The following SPAG16 variants were observed in gnomAD, a reference collection of about 807,000 sequenced individuals.
SPAG16 encodes the protein sperm-associated antigen 16 protein.
SPAG16 carries 86 observed loss-of-function variants against 80.4 expected under a neutral mutation model. The ratio of observed to expected loss-of-function variants is 1.07; its 90% CI spans 0.90 to 1.28. The LOEUF is 1.28. SPAG16 is among the 50% of genes most tolerant of loss of function. The pLI is 0.00. For missense variants in SPAG16, 870 were observed against 765.3 expected (o/e 1.14, Z -1.61); for synonymous variants, 294 against 265.9 (o/e 1.11, Z -1.03).
intron 10 of SPAG16, among the ~76,000 whole-genome samples, chr2:213,704,684 G>A (rs538638147): frequency 1.3e-5 from 2 of 152,128 alleles, no homozygotes; most frequent in South Asian, 2.1e-4. Context: ...GTTCTCCAGC[G>A]TTGTCCCTTC....
At position 213,827,961 on chromosome 2, in the gene SPAG16, A is replaced by G. The variant is rs536599726; in HGVS notation, c.1071-34524A>G. Among the ~76,000 whole-genome samples the G allele has an allele frequency of 6.6e-5, 10 of 152,144 alleles. No homozygotes were observed. The South Asian group carries it at 2.1e-3, about 32-fold the overall frequency. On this transcript the variant is annotated intron_variant, in intron 10 of 15. Transcript: ENST00000331683. The stretch of plus-strand genomic sequence containing the variant: ...CTTCTCTTTATCCTTGATCTTTGGA[A>G]GTTTGACTATTAAATGCACTGAGGT...
Position 213,632,898 on chromosome 2 carries a change from C to G in SPAG16, c.1070+142808C>G, listed in dbSNP as rs577170541. Among the ~76,000 whole-genome samples the G allele has an allele frequency of 5.3e-5, 8 of 152,212 alleles. No individual in the cohort carries two copies. The South Asian group carries it at 8.3e-4, about 16-fold the overall frequency. ...ATTACTTTGTTCAGGCTGTTTGCAT[C>G]AATATTCATCAGAGATATTCACCTG... is the stretch of plus-strand genomic sequence containing the variant. On this transcript the variant is annotated intron_variant, in intron 10 of 15. Transcript: ENST00000331683.
chr2:213,946,434 T>C (rs2079477740), intron 12 of SPAG16, among the ~76,000 whole-genome samples: 1 of 152,178 alleles, frequency 6.6e-6, no homozygotes, highest in African/African-American at 2.4e-5. Flanking sequence ...TTTTTGCAAA[T>C]TGATTGTTAG....
At chr2:213,731,437 G>A (rs1424416534) in intron 10 of SPAG16, among the ~76,000 whole-genome samples, 6 of 151,150 alleles carry the variant, frequency 4.0e-5, no homozygotes, top group African/African-American at 1.2e-4. Flanking sequence ...TGGGATTACA[G>A]GCGTGAGCCA....
Position 213,651,194 on chromosome 2 carries a change from A to G in SPAG16, c.1070+161104A>G, listed in dbSNP as rs570603336. On this transcript the variant is annotated intron_variant, in intron 10 of 15. Coordinates refer to ENST00000331683, the MANE Select transcript of SPAG16 (RefSeq NM_024532.5). Reference sequence around the variant, plus strand: ...CACAACTTGTTACAAGGATTTGAGTATATACAATTATGTGAGCTGGTTGCA... The same window carrying G: ...CACAACTTGTTACAAGGATTTGAGTGTATACAATTATGTGAGCTGGTTGCA... 1.1e-4 allele frequency among the ~76,000 whole-genome samples: 17 copies of G among 152,340 alleles called. No individual in the cohort carries two copies. In the South Asian group the frequency reaches 3.3e-3, roughly 30 times the overall value.
At chr2:213,715,222 G>GTCTATCTATCCATCCATCTA (rs1553615158) in intron 10 of SPAG16, among the ~76,000 whole-genome samples, 1 of 110,460 alleles carries the variant, frequency 9.1e-6, no homozygotes, top group Non-Finnish European at 2.2e-5. Flanking sequence ...AGATCTATCT[G>GTCTATCTATCCATCCATCTA]TCTATCTATC....
intron 11 of SPAG16, among the ~76,000 whole-genome samples, chr2:213,928,940 C>A (rs376139107): frequency 8.3e-6 from 1 of 119,802 alleles, no homozygotes; most frequent in Non-Finnish European, 1.9e-5. Flanking sequence ...CACACACACA[C>A]ACAAAACCAA....
chr2:214,003,781 A>G (rs2046903559), intron 12 of SPAG16, among the ~76,000 whole-genome samples: 1 of 152,222 alleles, frequency 6.6e-6, no homozygotes, highest in South Asian at 2.1e-4. Context: ...CATGGACCAC[A>G]TAGACAACAG....
chr2:213,415,185 A>C (rs903495828), intron 9 of SPAG16, among the ~76,000 whole-genome samples: 1 of 152,232 alleles, frequency 6.6e-6, no homozygotes, highest in Non-Finnish European at 1.5e-5. Flanking sequence ...GCTAGGTAAG[A>C]GAACAAGGAG....
chr2:214,321,373 T>C (rs1306377484), intron 15 of SPAG16, among the ~76,000 whole-genome samples: 1 of 152,110 alleles, frequency 6.6e-6, no homozygotes, highest in Non-Finnish European at 1.5e-5. Flanking sequence ...CTGAAGATAT[T>C]AGTAGGCATT....
At chr2:214,195,335 A>AGATAGATAGATAGATG (rs1553522804) in intron 15 of SPAG16, among the ~76,000 whole-genome samples, 21 of 151,886 alleles carry the variant, frequency 1.4e-4, no homozygotes, top group Admixed American at 8.5e-4. Context: ...ATAGATAGAT[A>AGATAGATAGATAGATG]TTTGAGAGAT....
chr2:213,353,253 A>G (rs755064874), intron 7 of SPAG16, among the ~76,000 whole-genome samples: 28 of 152,334 alleles, frequency 1.8e-4, no homozygotes, highest in Middle Eastern at 6.8e-3. Flanking sequence ...GAACTCCTTT[A>G]TATCTGTGGC....
At chr2:214,069,059 T>C (rs1015239412) in intron 13 of SPAG16, among the ~76,000 whole-genome samples, 3 of 152,168 alleles carry the variant, frequency 2.0e-5, no homozygotes, top group Admixed American at 2.0e-4. Flanking sequence ...TTAAAATATA[T>C]TTCATAAGAT....
At chr2:214,356,690 C>T (rs1455738414) in intron 15 of SPAG16, among the ~76,000 whole-genome samples, 2 of 151,976 alleles carry the variant, frequency 1.3e-5, no homozygotes, top group Non-Finnish European at 2.9e-5. Flanking sequence ...GTTAACTCTT[C>T]AGAACCATGC....
chr2:213,320,755 T>A (rs189259982), intron 5 of SPAG16, among the ~76,000 whole-genome samples: 2,014 of 152,184 alleles, frequency 0.013, 22 homozygotes, highest in South Asian at 0.038. Context: ...ATTCTTTTTT[T>A]AAAAATGGCT....
intron 15 of SPAG16, among the ~76,000 whole-genome samples, chr2:214,170,135 T>C (rs1280616269): frequency 6.6e-6 from 1 of 151,692 alleles, no homozygotes; most frequent in Non-Finnish European, 1.5e-5. Context: ...TCAAATGACT[T>C]TTCTGTCATT....
At chr2:214,306,212 T>G (rs568346044) in intron 15 of SPAG16, among the ~76,000 whole-genome samples, 1 of 152,330 alleles carries the variant, frequency 6.6e-6, no homozygotes, top group Non-Finnish European at 1.5e-5. Flanking sequence ...ATAGTGAATT[T>G]TGCACATTGA....
intron 15 of SPAG16, among the ~76,000 whole-genome samples, chr2:214,157,517 C>T (rs1007205568): frequency 3.3e-5 from 5 of 151,954 alleles, no homozygotes; most frequent in Admixed American, 6.6e-5. Flanking sequence ...ATAATGGGGA[C>T]ACCTTGAAAA....
intron 13 of SPAG16, among the ~76,000 whole-genome samples, chr2:214,098,311 T>C (rs2052746499): frequency 6.6e-6 from 1 of 152,094 alleles, no homozygotes; most frequent in African/African-American, 2.4e-5. Context: ...GGTTGAATTG[T>C]GTCCCCTTAA....
Sources: gnomAD v4.1 joint callset for allele counts (sites outside exome capture counted in the v4.1 genomes callset) on GRCh38, gnomAD v4.1.1 for gene constraint, MANE v1.5 for transcripts, NCBI Gene and HGNC (gene_info 2026-07-23, HGNC 2026-07-21) for gene names.